The following ZNF81 variants were observed in gnomAD, a reference collection of about 807,000 sequenced individuals.
ZNF81 encodes the protein zinc finger protein 81 (HFZ20).
In ZNF81, 5 loss-of-function variants were observed where a neutral mutation model predicts 32.3. The observed-to-expected ratio is 0.15, with a 90% CI of 0.08 to 0.33. The LOEUF is 0.33. Ranked by LOEUF, ZNF81 falls within the 10% of genes least tolerant of loss-of-function variation. The pLI is 1.00. For missense variants in ZNF81, 379 were observed against 479.8 expected, an observed-to-expected ratio of 0.79 and a Z score of 1.96; for synonymous variants, 163 against 166.8, an observed-to-expected ratio of 0.98 and a Z score of 0.17.
chrX:47,841,056 A>C, intron 1 of ZNF81: 1 of 875,138 alleles, frequency 1.1e-6, no homozygotes, highest in South Asian at 2.0e-5. Context: ...TTTTGGTAGC[A>C]TGACGGGCCA....
chrX:47,861,433 C>T (rs1465558655), intron 2 of ZNF81, among the ~76,000 whole-genome samples: 1 of 111,828 alleles, frequency 8.9e-6, no homozygotes, highest in Non-Finnish European at 1.9e-5. Flanking sequence ...AGAACTGTCT[C>T]ACATCTCCAC....
chrX:47,897,631 A>C (rs1163253638), intron 4 of ZNF81, among the ~76,000 whole-genome samples: 4 of 112,372 alleles, frequency 3.6e-5, no homozygotes, highest in African/African-American at 1.3e-4. Context: ...GCCTACCACA[A>C]GGCACAAAGA....
intron 1 of ZNF81, chrX:47,841,039 A>G: frequency 2.3e-6 from 2 of 863,701 alleles, no homozygotes; most frequent in South Asian, 2.0e-5. Flanking sequence ...GAGGAAGCCT[A>G]CTCTATTTTT....
At chrX:47,883,844 C>T (rs2058630174) in intron 2 of ZNF81, among the ~76,000 whole-genome samples, 1 of 112,192 alleles carries the variant, frequency 8.9e-6, no homozygotes, top group Non-Finnish European at 1.9e-5. Flanking sequence ...ACTCAGTATT[C>T]ACACCCTTGT....
intron 4 of ZNF81, among the ~76,000 whole-genome samples, chrX:47,905,830 T>A (rs1279623295): frequency 4.4e-5 from 5 of 112,422 alleles, no homozygotes; most frequent in African/African-American, 1.6e-4. Flanking sequence ...ACCTAGGAGA[T>A]CCTGATTTCT....
At chrX:47,843,233 A>G in intron 1 of ZNF81, among the ~76,000 whole-genome samples, 1 of 111,260 alleles carries the variant, frequency 9.0e-6, no homozygotes, top group Non-Finnish European at 1.9e-5. Context: ...TCATCACTTG[A>G]TGGACATTTG....
intron 4 of ZNF81, among the ~76,000 whole-genome samples, chrX:47,903,641 T>A (rs1205506817): frequency 1.1e-5 from 1 of 89,904 alleles, no homozygotes; most frequent in African/African-American, 3.9e-5. Flanking sequence ...CTGCCCAAGG[T>A]AATTTATAGA....
At chrX:47,859,470 T>G (rs1300634393) in intron 2 of ZNF81, among the ~76,000 whole-genome samples, 1 of 112,277 alleles carries the variant, frequency 8.9e-6, no homozygotes, top group Admixed American at 9.5e-5. Context: ...TGTTCCTACC[T>G]GTTTTGACAG....
At chrX:47,887,858 G>T (rs1025645440) in intron 2 of ZNF81, 141 bp from the exon 3 acceptor site, 74 of 615,924 alleles carry the variant, frequency 1.2e-4, no homozygotes, top group Non-Finnish European at 1.7e-4. Context: ...TTACATATGT[G>T]TATATATATA....
chrX:47,905,376 AC>A (rs1169459138), intron 4 of ZNF81, among the ~76,000 whole-genome samples: 1 of 94,863 alleles, frequency 1.1e-5, no homozygotes, highest in African/African-American at 4.0e-5. Flanking sequence ...GCACCACTGC[AC>A]TCCAGGCTGG....
At chrX:47,856,695 A>C (rs1467299328) in intron 2 of ZNF81, among the ~76,000 whole-genome samples, 2 of 111,969 alleles carry the variant, frequency 1.8e-5, no homozygotes. Context: ...CTGTAATCTC[A>C]GCACTTTGGG....
At chrX:47,852,273 G>A (rs782125550) in intron 2 of ZNF81, among the ~76,000 whole-genome samples, 3 of 112,045 alleles carry the variant, frequency 2.7e-5, no homozygotes, top group Non-Finnish European at 5.6e-5. Flanking sequence ...TTGACCGATC[G>A]GGGTGGTGGT....
At chrX:47,866,994 A>G (rs1190296018) in intron 2 of ZNF81, among the ~76,000 whole-genome samples, 1 of 111,713 alleles carries the variant, frequency 9.0e-6, no homozygotes, top group Non-Finnish European at 1.9e-5. Context: ...CAGCAAACTA[A>G]CACAGGAACA....
chrX:47,902,655 A>G (rs1015538774), intron 4 of ZNF81, among the ~76,000 whole-genome samples: 8 of 112,756 alleles, frequency 7.1e-5, no homozygotes, highest in Non-Finnish European at 1.3e-4. Context: ...ATTAAAAAAT[A>G]TCTAAATGTT....
intron 2 of ZNF81, among the ~76,000 whole-genome samples, chrX:47,864,480 C>T (rs1603182036): frequency 8.9e-6 from 1 of 111,899 alleles, no homozygotes; most frequent in Admixed American, 9.5e-5. Flanking sequence ...AGGAATGATG[C>T]CATCAATTTG....
At chrX:47,872,248 G>A (rs1302842898) in intron 2 of ZNF81, among the ~76,000 whole-genome samples, 1 of 111,836 alleles carries the variant, frequency 8.9e-6, no homozygotes, top group Non-Finnish European at 1.9e-5. Context: ...CTTCAGTTTG[G>A]CAGTATTAGA....
At chrX:47,850,208 A>G (rs934464597) in intron 2 of ZNF81, among the ~76,000 whole-genome samples, 1 of 110,449 alleles carries the variant, frequency 9.1e-6, no homozygotes, top group Non-Finnish European at 1.9e-5. Flanking sequence ...AAATAATGCA[A>G]ATGACCATCA....
At chrX:47,899,327 G>T (rs5905635) in intron 4 of ZNF81, among the ~76,000 whole-genome samples, 2,841 of 106,499 alleles carry the variant, frequency 0.027, 41 homozygotes, top group Non-Finnish European at 0.041. Context: ...GTTGAATTTT[G>T]TCAAATGCTT....
rs1263126470 is a variant in ZNF81 at position 47,916,920 on chromosome X, A to G, written c.*288A>G. 6 of 284,564 alleles carry G rather than the reference A, an allele frequency of 2.1e-5. No homozygotes were observed. Among genetic ancestry groups the G allele is most frequent in the Middle Eastern group, 9.7e-4 (1 of 1,027 alleles). 23.5% of individuals were successfully genotyped at this position (284,564 alleles called of 1,213,427 possible). A position where few individuals can be genotyped will look rare whatever the true frequency, so the allele number is the denominator to read the frequency against. The stretch of plus-strand genomic sequence containing the variant: ...GAAAAGCCTTCCTATAGAAAGTATT[A>G]TAAGTTAAATTGTTACCAAATTCTT... On this transcript the variant is annotated 3_prime_UTR_variant, in exon 5 of 5. Coordinates refer to ENST00000338637, the MANE Select transcript of ZNF81 (RefSeq NM_007137.5).
Sources: gnomAD v4.1 joint callset for allele counts (sites outside exome capture counted in the v4.1 genomes callset) on GRCh38, gnomAD v4.1.1 for gene constraint, MANE v1.5 for transcripts, NCBI Gene and HGNC (gene_info 2026-07-23, HGNC 2026-07-21) for gene names.